UBQLN4: variants seen among roughly 807,000 people sequenced by gnomAD.
The protein encoded by UBQLN4 is ubiquilin-4.
UBQLN4 carries 11 observed loss-of-function variants against 60.4 expected under a neutral mutation model. The observed-to-expected ratio is 0.18, with a 90% confidence interval of 0.11 to 0.30. The LOEUF is 0.30. UBQLN4 is among the 10% of genes least tolerant of loss of function. The pLI, the probability that UBQLN4 is intolerant of heterozygous loss-of-function variation, is 1.00. For missense variants in UBQLN4, 417 were observed against 795.5 expected (o/e 0.52, Z 5.72); for synonymous variants, 258 against 313.1 (o/e 0.82, Z 1.86).
In UBQLN4 at chr1:156,035,764, G is replaced by A; in HGVS notation, c.*1214C>T. On this transcript the variant is annotated 3_prime_UTR_variant, in exon 11 of 11. Coordinates refer to ENST00000368309, the MANE Select transcript of UBQLN4 (RefSeq NM_020131.5). ...ACCTCTGGGTTACCCAGCATCCAGA[G>A]CCCCAAGGGACCTAGCTCTCCCGGA... is the stretch of plus-strand genomic sequence containing the variant. 1.0e-6 allele frequency: 1 copy of A among 985,486 alleles called. No individual in the cohort carries two copies. The highest frequency in any genetic ancestry group is 1.2e-6 in the Non-Finnish European group (1 of 829,958). The allele number at this position is 985,486 out of a possible 1,614,324, so 61.0% of individuals were successfully genotyped here.
Position 156,042,250 on chromosome 1 carries a change from G to C in UBQLN4, c.1267-14C>G. ...ATTCACCATCATCTGCCAGGGTGAAGGTAGCAGGGGGAGACCTGGGCCTTT... is the reference window on the plus strand; with the variant it reads ...ATTCACCATCATCTGCCAGGGTGAACGTAGCAGGGGGAGACCTGGGCCTTT... On this transcript the variant is annotated splice_polypyrimidine_tract_variant and intron_variant, in intron 7 of 10. Coordinates refer to ENST00000368309, the MANE Select transcript of UBQLN4 (RefSeq NM_020131.5). The C allele has an allele frequency of 1.3e-6, 2 of 1,579,112 alleles. No individual in the cohort carries two copies. The highest frequency in any genetic ancestry group is 1.7e-6 in the Non-Finnish European group (2 of 1,164,448).
downstream of UBQLN4, among the ~76,000 whole-genome samples, chr1:156,035,110 G>A (rs1683369822): frequency 6.6e-6 from 1 of 150,676 alleles, no homozygotes; most frequent in Non-Finnish European, 1.5e-5. Context: ...TTGTTTTTTT[G>A]AGATGCAGTT....
Position 156,036,509 on chromosome 1 carries a change from A to C in UBQLN4, c.*469T>G. On this transcript the variant is annotated 3_prime_UTR_variant, in exon 11 of 11. Coordinates refer to ENST00000368309, the MANE Select transcript of UBQLN4 (RefSeq NM_020131.5). The stretch of plus-strand genomic sequence containing the variant: ...CACCTGCTCCTCCTTCAGAGCAAGA[A>C]ATTCTAGCATTGGTTGGGCTAGGGG... 1.0e-6 allele frequency: 1 copy of C among 986,408 alleles called. No individual in the cohort carries two copies. The highest frequency in any genetic ancestry group is 1.1e-4 in the East Asian group (1 of 8,968). 61.1% of individuals were successfully genotyped at this position (986,408 alleles called of 1,614,324 possible).
Position 156,036,771 on chromosome 1 carries a change from G to A in UBQLN4, c.*207C>T, listed in dbSNP as rs1683413067. 7.1e-7 allele frequency: 1 copy of A among 1,406,004 alleles called. No individual in the cohort carries two copies. The highest frequency in any genetic ancestry group is 1.7e-5 in the South Asian group (1 of 60,202). 87.1% of individuals were successfully genotyped at this position (1,406,004 alleles called of 1,614,324 possible). A position where few individuals can be genotyped will look rare whatever the true frequency, so the allele number is the denominator to read the frequency against. On this transcript the variant is annotated 3_prime_UTR_variant, in exon 11 of 11. Coordinates refer to ENST00000368309, the MANE Select transcript of UBQLN4 (RefSeq NM_020131.5). Reference sequence around the variant, plus strand: ...AGCACTGCTCAAGGAGACCAGGAGAGAAGAGTCTGTTAGAGACGTAGCAGT... The same window carrying A: ...AGCACTGCTCAAGGAGACCAGGAGAAAAGAGTCTGTTAGAGACGTAGCAGT...
chr1:156,048,406 G>C lies in UBQLN4; in HGVS notation c.900+95C>G. Reference sequence around the variant, plus strand: ...AAGGCCCACCCCTCAGGGGACTGGGGAAAGAAAGAAGAGCAGGCCCAGGTT... The same window carrying C: ...AAGGCCCACCCCTCAGGGGACTGGGCAAAGAAAGAAGAGCAGGCCCAGGTT... On this transcript the variant is annotated intron_variant, in intron 5 of 10. Transcript: ENST00000368309. The surrounding 1 kb of genome is among the most constrained non-coding windows in gnomAD (Gnocchi z 4.9). The C allele has an allele frequency of 7.0e-7, 1 of 1,437,664 alleles. No homozygotes were observed. Among genetic ancestry groups the C allele is most frequent in the Non-Finnish European group, 9.4e-7 (1 of 1,067,442 alleles). The allele number at this position is 1,437,664 out of a possible 1,614,324, so 89.1% of individuals were successfully genotyped here. A position where few individuals can be genotyped will look rare whatever the true frequency, so the allele number is the denominator to read the frequency against.
At chr1:156,039,670 GCTGACGC>G in intron 10 of UBQLN4, among the ~76,000 whole-genome samples, 2 of 152,138 alleles carry the variant, frequency 1.3e-5, no homozygotes, top group East Asian at 3.9e-4. Context: ...GGGTGCGGTG[GCTGACGC>G]CAGTAATCCC....
downstream of UBQLN4, chr1:156,033,340 T>C: frequency 1.0e-6 from 1 of 962,736 alleles, no homozygotes; most frequent in Non-Finnish European, 1.2e-6. Flanking sequence ...CATTTTATTT[T>C]TGTGAATGGC....
At chr1:156,037,495 C>A (rs1427562438) in intron 10 of UBQLN4, among the ~76,000 whole-genome samples, 1 of 152,128 alleles carries the variant, frequency 6.6e-6, no homozygotes, top group Non-Finnish European at 1.5e-5. Flanking sequence ...ACTCAGGAGG[C>A]TGAGGCAGGA....
chr1:156,040,930 G>T (rs1683545995), intron 10 of UBQLN4, among the ~76,000 whole-genome samples: 1 of 152,198 alleles, frequency 6.6e-6, no homozygotes, highest in Non-Finnish European at 1.5e-5. Context: ...TGCCCCTCCT[G>T]CCAGCCCCTG....
chr1:156,039,300 G>C (rs1389897850), intron 10 of UBQLN4, among the ~76,000 whole-genome samples: 2 of 147,358 alleles, frequency 1.4e-5, no homozygotes, highest in Non-Finnish European at 3.0e-5. Flanking sequence ...GCCCAGGCTG[G>C]AGTAAAATGG....
At chr1:156,052,952 G>A (rs1215578065) in intron 1 of UBQLN4, among the ~76,000 whole-genome samples, 1 of 152,158 alleles carries the variant, frequency 6.6e-6, no homozygotes, top group Non-Finnish European at 1.5e-5. Context: ...GCTGCTTCCA[G>A]ATCCCTCTCT....
Position 156,051,162 on chromosome 1 carries a change from C to T in UBQLN4, c.426G>A (p.Gly142=), listed in dbSNP as rs1424285664. ...ATCCCTCCCCAGCCCCCGGAGAGGGCCCCCCACCACTGCTCCTCCGGCTTC... is the reference window on the plus strand; with the variant it reads ...ATCCCTCCCCAGCCCCCGGAGAGGGTCCCCCACCACTGCTCCTCCGGCTTC... ...GSGSRRSSGG[G]PSPGAGEGSP... The change falls in exon 3 of 11, where the codon GGG becomes GGA. Residue 142 remains glycine (G), a synonymous_variant. Coordinates refer to ENST00000368309, the MANE Select transcript of UBQLN4 (RefSeq NM_020131.5). 6.2e-7 allele frequency: 1 copy of T among 1,611,144 alleles called. No individual in the cohort carries two copies.
chr1:156,047,346 C>T (rs983656274), intron 5 of UBQLN4, among the ~76,000 whole-genome samples: 3 of 150,932 alleles, frequency 2.0e-5, no homozygotes, highest in African/African-American at 4.9e-5. Context: ...CGGGTTCAAG[C>T]GATTCTCCTG....
rs1207920087 is a variant in UBQLN4 at position 156,036,969 on chromosome 1, G to A, written c.*9C>T. The A allele has an allele frequency of 1.9e-6, 3 of 1,613,040 alleles. No individual in the cohort carries two copies. The South Asian group carries it at 3.3e-5, about 18-fold the overall frequency. ...GGGAGGGGAGAGGCAGGAGGCATGG[G>A]CCGAGGGATTAGGAGAGCTGGGAGC... On this transcript the variant is annotated 3_prime_UTR_variant, in exon 11 of 11. Transcript: ENST00000368309.
At chr1:156,049,285 G>A (rs1683798575) in intron 4 of UBQLN4, among the ~76,000 whole-genome samples, 1 of 152,172 alleles carries the variant, frequency 6.6e-6, no homozygotes, top group African/African-American at 2.4e-5. Flanking sequence ...GTTGGGGAAG[G>A]AAAGCGTTCA....
At position 156,048,674 on chromosome 1, in the gene UBQLN4, G is replaced by C; in HGVS notation, c.742-15C>G. On this transcript the variant is annotated splice_polypyrimidine_tract_variant and intron_variant, in intron 4 of 10. Coordinates refer to ENST00000368309, the MANE Select transcript of UBQLN4 (RefSeq NM_020131.5). This position sits in a 1 kb window ranked among gnomAD's most constrained non-coding sequence, Gnocchi z 4.9. ...AGCTCCATTGTCTGATCAAGGGAGAGAGACAAAATGGGCCCCGGAACCAGG... is the reference window on the plus strand; with the variant it reads ...AGCTCCATTGTCTGATCAAGGGAGACAGACAAAATGGGCCCCGGAACCAGG... The C allele has an allele frequency of 6.2e-7, 1 of 1,606,626 alleles. No homozygotes were observed. Among genetic ancestry groups the C allele is most frequent in the Non-Finnish European group, 8.5e-7 (1 of 1,173,756 alleles).
downstream of UBQLN4, among the ~76,000 whole-genome samples, chr1:156,033,595 C>A (rs1004333041): frequency 6.6e-6 from 1 of 152,132 alleles, no homozygotes; most frequent in Non-Finnish European, 1.5e-5. Context: ...GTGATCCCAG[C>A]ACTTTGGGAG....
chr1:156,051,455 G>A (rs1170221917), intron 2 of UBQLN4, 128 bp from the exon 3 acceptor site: 10 of 1,261,306 alleles, frequency 7.9e-6, no homozygotes, highest in African/African-American at 1.5e-5. Context: ...TCCTGAGGCT[G>A]GAGTGGGGTG....
At chr1:156,047,685 G>A (rs1280337727) in intron 5 of UBQLN4, among the ~76,000 whole-genome samples, 1 of 151,210 alleles carries the variant, frequency 6.6e-6, no homozygotes, top group Non-Finnish European at 1.5e-5. Context: ...CATGAGGTCA[G>A]GAGATCAAGA....
Sources: gnomAD v4.1 joint callset for allele counts (sites outside exome capture counted in the v4.1 genomes callset) on GRCh38, gnomAD v4.1.1 for gene constraint, Gnocchi (gnomAD v3.1) non-coding constraint, MANE v1.5 for transcripts, NCBI Gene and HGNC (gene_info 2026-07-23, HGNC 2026-07-21) for gene names.